ACTR6: variants seen among roughly 807,000 people sequenced by gnomAD.
ACTR6 encodes the protein actin related protein 6.
A neutral mutation model predicts 52.5 loss-of-function variants in ACTR6; 50 were observed. The ratio of observed to expected loss-of-function variants is 0.95; its 90% CI spans 0.76 to 1.20. The LOEUF (loss-of-function observed/expected upper bound fraction) is 1.20. ACTR6 is among the 50% of genes most tolerant of loss of function. ACTR6 has a pLI of 0.00. For synonymous variants in ACTR6, 135 were observed against 147.2 expected (o/e 0.92, Z 0.60); for missense variants, 344 against 472.4 (o/e 0.73, Z 2.52).
chr12:100,201,199 C>A, intron 1 of ACTR6: 1 of 685,460 alleles, frequency 1.5e-6, no homozygotes, highest in Non-Finnish European at 2.1e-6. Flanking sequence ...GCGTTCCTGA[C>A]AGAAGGGTCC....
At chr12:100,215,634 A>T (rs1180286397) in intron 8 of ACTR6, among the ~76,000 whole-genome samples, 2 of 152,258 alleles carry the variant, frequency 1.3e-5, no homozygotes, top group African/African-American at 4.8e-5. Context: ...GGCTTTTGGC[A>T]GATGATACAG....
rs1173620641 is a variant in ACTR6 at position 100,200,926 on chromosome 12, ACTTT to A, written c.68+14_68+17del. Reference sequence around the variant, plus strand: ...ACAGCCATGAAAATGTGTCGTAAGTACTTTCTTTCTCCGAGGGACAAGATATATA... The same window carrying A: ...ACAGCCATGAAAATGTGTCGTAAGTACTTTCTCCGAGGGACAAGATATATA... On this transcript the variant is annotated splice_region_variant and intron_variant, in intron 1 of 10. Transcript: ENST00000188312. 6.2e-7 allele frequency: 1 copy of A among 1,614,096 alleles called. No individual in the cohort carries two copies. Among genetic ancestry groups the A allele is most frequent in the Admixed American group, 1.7e-5 (1 of 60,026 alleles).
rs2096125902 is a variant in ACTR6, at chr12:100,218,927, A to G, written c.922+341A>G. Among the ~76,000 whole-genome samples, 1 of 152,094 alleles carries G rather than the reference A, an allele frequency of 6.6e-6. No homozygotes were observed. The highest frequency in any genetic ancestry group is 1.5e-5 in the Non-Finnish European group (1 of 68,022). The stretch of plus-strand genomic sequence containing the variant: ...TATAAATTTATAATGTAACAATTTA[A>G]TGGTTTTCAGCTATTGGTAGACTGA... On this transcript the variant is annotated intron_variant, in intron 9 of 10. Coordinates refer to ENST00000188312, the MANE Select transcript of ACTR6 (RefSeq NM_022496.5). The surrounding 1 kb of genome is among the most constrained non-coding windows in gnomAD (Gnocchi z 4.2).
At chr12:100,203,437 G>A (rs1290566911) in intron 1 of ACTR6, among the ~76,000 whole-genome samples, 1 of 151,880 alleles carries the variant, frequency 6.6e-6, no homozygotes, top group Non-Finnish European at 1.5e-5. Flanking sequence ...CCCAGTAGGT[G>A]GGATTACAGG....
intron 2 of ACTR6, 81 bp downstream of exon 2, chr12:100,205,138 G>T: frequency 3.6e-6 from 3 of 823,358 alleles, no homozygotes; most frequent in African/African-American, 1.8e-5. Context: ...AAAAGGCTGT[G>T]TGTAACTTAA....
At chr12:100,222,677 A>G (rs2096129265) in intron 10 of ACTR6, among the ~76,000 whole-genome samples, 1 of 152,206 alleles carries the variant, frequency 6.6e-6, no homozygotes, top group African/African-American at 2.4e-5. Flanking sequence ...CTAGGACTAC[A>G]GGTATATGCC....
intron 3 of ACTR6, 44 bp from the exon 4 acceptor site, chr12:100,207,619 A>G (rs2096115957): frequency 1.5e-6 from 2 of 1,371,600 alleles, no homozygotes; most frequent in Non-Finnish European, 2.0e-6. Flanking sequence ...AGTGTTAATT[A>G]TCATTACAAA....
Position 100,210,188 on chromosome 12 carries a change from G to T in ACTR6, c.495G>T (p.Lys165Asn), listed in dbSNP as rs781611908. The T allele has an allele frequency of 1.2e-6, 2 of 1,603,762 alleles. No individual in the cohort carries two copies. The highest frequency in any genetic ancestry group is 3.4e-5 in the Admixed American group (2 of 58,752). Residue 165 changes from lysine to asparagine, a missense_variant, in exon 5 of 11, where the codon AAG (lysine) becomes AAT (asparagine). Lys to Asn is a moderately conservative substitution (Grantham distance 94, BLOSUM62 0). Transcript: ENST00000188312. ...TAGTTCCTTATTGTAGAAGTAAAAAGAAAAAAGAAGCAATTATTCGGTGAG... is the reference window on the plus strand; with the variant it reads ...TAGTTCCTTATTGTAGAAGTAAAAATAAAAAAGAAGCAATTATTCGGTGAG... ...THIVPYCRSK[K>N]KKEAIIRINV...
chr12:100,223,626 G>T (rs1212848262), intron 10 of ACTR6, among the ~76,000 whole-genome samples, 160 bp from the exon 11 acceptor site: 1 of 152,032 alleles, frequency 6.6e-6, no homozygotes, highest in Non-Finnish European at 1.5e-5. Flanking sequence ...GCTTATTTCT[G>T]TACCTTAAAC....
Position 100,207,722 on chromosome 12 carries a change from T to A in ACTR6, c.315T>A (p.Ile105=), listed in dbSNP as rs534110620. The part of the protein sequence containing the change: ...ITEPYFNFTS[I]QESMNEILFE... ...AACCATACTTTAACTTCACTTCAAT[T>A]CAAGAATCAATGAATGAAATTCTAT... Residue 105 remains isoleucine, a synonymous_variant, in exon 4 of 11, where the codon ATT becomes ATA. Coordinates refer to ENST00000188312, the MANE Select transcript of ACTR6 (RefSeq NM_022496.5). 1.9e-6 allele frequency: 3 copies of A among 1,592,596 alleles called. No homozygotes were observed. The East Asian group carries it at 6.8e-5, about 36-fold the overall frequency.
At position 100,220,019 on chromosome 12, in the gene ACTR6, C is replaced by G. The variant is rs751071738; in HGVS notation, c.934C>G (p.His312Asp). Residue 312 changes from histidine to aspartate, a missense_variant, in exon 10 of 11, where the codon CAT becomes GAT. Transcript: ENST00000188312. ...IQNLPEEMQP[H>D]FFKNIVLTGG... ...TTCTTCTTTTAAAGAAATGCAGCCG[C>G]ATTTTTTTAAGAACATTGTCTTGAC... 3.1e-6 allele frequency: 5 copies of G among 1,612,848 alleles called. No homozygotes were observed. In the South Asian group the frequency reaches 5.5e-5, roughly 18 times the overall value.
At chr12:100,215,990 A>G (rs1011359877) in intron 8 of ACTR6, among the ~76,000 whole-genome samples, 1 of 152,226 alleles carries the variant, frequency 6.6e-6, no homozygotes, top group East Asian at 1.9e-4. Context: ...ATTACAGATA[A>G]CAACCAATAG....
At chr12:100,211,406 G>A (rs1444977153) in intron 6 of ACTR6, among the ~76,000 whole-genome samples, 2 of 152,016 alleles carry the variant, frequency 1.3e-5, no homozygotes, top group African/African-American at 4.8e-5. Context: ...CAAGTAGCTG[G>A]GACCACAGGC....
At chr12:100,207,544 G>T in intron 3 of ACTR6, 119 bp from the exon 4 acceptor site, 4 of 928,626 alleles carry the variant, frequency 4.3e-6, no homozygotes, top group East Asian at 3.2e-5. Context: ...CTATTAAATG[G>T]GGATAGTAAT....
intron 1 of ACTR6, among the ~76,000 whole-genome samples, chr12:100,202,506 A>C (rs1297513181): frequency 1.3e-5 from 2 of 152,120 alleles, no homozygotes; most frequent in Non-Finnish European, 1.5e-5. Context: ...GTATTATCCC[A>C]GTGTCATCTC....
chr12:100,224,261 A>G lies in ACTR6; in HGVS notation c.*346A>G. The G allele has an allele frequency of 5.9e-6, 1 of 168,150 alleles. No homozygotes were observed. The highest frequency in any genetic ancestry group is 1.8e-4 in the East Asian group (1 of 5,586). 10.4% of individuals were successfully genotyped at this position (168,150 alleles called of 1,614,324 possible). ...CACTGGACAGTTTTCCTTAGAAGGT[A>G]GTTTTGTGTGACTGTGACTAAACTA... On this transcript the variant is annotated 3_prime_UTR_variant, in exon 11 of 11. Transcript: ENST00000188312.
At position 100,223,910 on chromosome 12, in the gene ACTR6, A is replaced by G. The variant is rs1330171839; in HGVS notation, c.1186A>G (p.Ile396Val). 8 of 1,601,666 alleles carry G rather than the reference A, an allele frequency of 5.0e-6. No homozygotes were observed. In the Middle Eastern group the frequency reaches 6.8e-4, roughly 137 times the overall value. The change falls in exon 11 of 11, where the codon ATT becomes GTT. Residue 396 changes from isoleucine to valine, a missense_variant. By Grantham distance (29) the Ile-to-Val change is conservative. Coordinates refer to ENST00000188312, the MANE Select transcript of ACTR6 (RefSeq NM_022496.5). ...TAGCGTCTGTGAAGAGAAATTTGAT[A>G]TTTAAGCAACATTTTTGAATGAAAG... Reference protein sequence around the residue: ...GHSVCEEKFDI With the variant: ...GHSVCEEKFDV
intron 8 of ACTR6, among the ~76,000 whole-genome samples, chr12:100,212,822 A>G (rs2096120898): frequency 6.6e-6 from 1 of 151,690 alleles, no homozygotes; most frequent in African/African-American, 2.4e-5. Context: ...TGGCCAACAT[A>G]CTGAAACCCC....
chr12:100,222,346 C>T (rs552963683), intron 10 of ACTR6, among the ~76,000 whole-genome samples: 137 of 150,524 alleles, frequency 9.1e-4, no homozygotes, highest in African/African-American at 3.2e-3. Flanking sequence ...CACCCTTGAC[C>T]TCTGGACTCA....
Sources: gnomAD v4.1 joint callset for allele counts (sites outside exome capture counted in the v4.1 genomes callset) on GRCh38, gnomAD v4.1.1 for gene constraint, Gnocchi (gnomAD v3.1) non-coding constraint, MANE v1.5 for transcripts, NCBI Gene and HGNC (gene_info 2026-07-23, HGNC 2026-07-21) for gene names.